Variants in LEMD1 observed in about 807,000 individuals in gnomAD.
LEMD1 encodes the protein LEM domain containing 1.
Under a neutral mutation model 17.4 loss-of-function variants are expected in LEMD1, and 18 were observed. The ratio of observed to expected loss-of-function variants is 1.04; its 90% confidence interval spans 0.72 to 1.54. The LOEUF is 1.54. LEMD1 is among the 40% of genes most tolerant of loss of function. LEMD1 has a pLI of 0.00. For missense variants in LEMD1, 195 were observed against 210.4 expected (o/e 0.93, Z 0.45); for synonymous variants, 88 against 77.8 (o/e 1.13, Z -0.69).
chr1:205,397,611 A>G (rs1408649310), intron 4 of LEMD1, among the ~76,000 whole-genome samples: 1 of 152,172 alleles, frequency 6.6e-6, no homozygotes, highest in Non-Finnish European at 1.5e-5. Context: ...ATTATCTATA[A>G]TAAATCATTC....
chr1:205,427,414 C>T (rs1034383197), intron 1 of LEMD1, among the ~76,000 whole-genome samples: 1 of 151,858 alleles, frequency 6.6e-6, no homozygotes, highest in Non-Finnish European at 1.5e-5. Flanking sequence ...TACCTGGAAA[C>T]TCAGGGAAAC....
At chr1:205,383,712 C>A (rs1663842171) in intron 5 of LEMD1, among the ~76,000 whole-genome samples, 1 of 150,702 alleles carries the variant, frequency 6.6e-6, no homozygotes, top group Admixed American at 6.6e-5. Context: ...CGGCTCACAG[C>A]AAGCTCCGCC....
At chr1:205,408,528 T>A (rs1212490323) in intron 4 of LEMD1, among the ~76,000 whole-genome samples, 1 of 146,358 alleles carries the variant, frequency 6.8e-6, no homozygotes, top group Admixed American at 7.0e-5. Flanking sequence ...TGAGACAGGA[T>A]CTCACTCTGT....
rs1175713525 is a variant in LEMD1, at chr1:205,448,072, TTCCTTCCTCAGAGGGAATCTCCC to T, written c.-39+1773_-39+1795del. Among the ~76,000 whole-genome samples the T allele has an allele frequency of 6.6e-6, 1 of 152,168 alleles. No homozygotes were observed. Among genetic ancestry groups the T allele is most frequent in the East Asian group, 1.9e-4 (1 of 5,170 alleles). ...AGCTCAGCACACCCTGAAGGTCTCC[TTCCTTCCTCAGAGGGAATCTCCC>T]TCTGGAATCACCGGCCCAGTCTCTT... On this transcript the variant is annotated intron_variant, in intron 1 of 3. Transcript: ENST00000367154. The surrounding 1 kb of genome is among the most constrained non-coding windows in gnomAD (Gnocchi z 4.7).
At chr1:205,411,215 A>AAAGG (rs199774745) in intron 4 of LEMD1, among the ~76,000 whole-genome samples, 3 of 147,298 alleles carry the variant, frequency 2.0e-5, no homozygotes, top group South Asian at 2.2e-4. Flanking sequence ...AGAAAGAAAG[A>AAAGG]AAGGAAGGAA....
intron 1 of LEMD1, among the ~76,000 whole-genome samples, chr1:205,445,294 A>C (rs1312075271): frequency 3.3e-5 from 5 of 152,158 alleles, no homozygotes; most frequent in African/African-American, 1.2e-4. Context: ...GACCGTGTTG[A>C]TAAACAGGCA....
chr1:205,394,242 G>C (rs951904818), intron 4 of LEMD1, among the ~76,000 whole-genome samples: 2 of 152,018 alleles, frequency 1.3e-5, no homozygotes, highest in Non-Finnish European at 2.9e-5. Context: ...GCGGGTAACC[G>C]CTTAATGGGT....
rs989074524 is a variant in LEMD1 at position 205,430,462 on chromosome 1, A to G, written c.-38-9888T>C. Among the ~76,000 whole-genome samples the G allele has an allele frequency of 8.5e-5, 13 of 152,080 alleles. 1 individual carries two copies. Among genetic ancestry groups the G allele is most frequent in the Admixed American group, 7.2e-4 (11 of 15,274 alleles). On this transcript the variant is annotated intron_variant, in intron 1 of 3. Coordinates refer to the LEMD1 transcript ENST00000367154. Reference sequence around the variant, plus strand: ...CAGACGTTGTCAGGGACGGGGTGGGAGAGTAGGGTAGGGGTGGACAACCAA... The same window carrying G: ...CAGACGTTGTCAGGGACGGGGTGGGGGAGTAGGGTAGGGGTGGACAACCAA...
At chr1:205,388,198 C>G (rs1574942998) in intron 4 of LEMD1, among the ~76,000 whole-genome samples, 2 of 144,096 alleles carry the variant, frequency 1.4e-5, no homozygotes, top group East Asian at 4.3e-4. Flanking sequence ...CTTAATCTTT[C>G]TTTCTTTTTT....
In LEMD1 at chr1:205,437,904, A is replaced by G. The variant is rs573947354; in HGVS notation, c.-39+11964T>C. The G allele has an allele frequency of 2.6e-5, 4 of 152,298 alleles. No homozygotes were observed. In the East Asian group the frequency reaches 7.7e-4, roughly 29 times the overall value. 9.4% of individuals were successfully genotyped at this position (152,298 alleles called of 1,614,324 possible). ...CACTCTAACACTTCATGTGTATTTC[A>G]GTTAGTTAATTATTGCTCTTTTTTT... is the stretch of plus-strand genomic sequence containing the variant. On this transcript the variant is annotated intron_variant, in intron 1 of 3. Transcript: ENST00000367154.
chr1:205,398,313 T>C (rs1403826398), intron 4 of LEMD1, among the ~76,000 whole-genome samples: 3 of 152,210 alleles, frequency 2.0e-5, no homozygotes, highest in African/African-American at 7.2e-5. Flanking sequence ...AAAACCTGTA[T>C]ATACAACTTG....
intron 4 of LEMD1, among the ~76,000 whole-genome samples, chr1:205,400,763 T>C (rs1307283602): frequency 6.6e-6 from 1 of 151,886 alleles, no homozygotes; most frequent in African/African-American, 2.4e-5. Context: ...GTTAGTTACA[T>C]ATGTATACAT....
At chr1:205,440,157 C>T (rs1666269386) in intron 1 of LEMD1, among the ~76,000 whole-genome samples, 1 of 152,196 alleles carries the variant, frequency 6.6e-6, no homozygotes, top group Admixed American at 6.5e-5. Flanking sequence ...CTGGCCACGG[C>T]AAGACAGTCC....
intron 4 of LEMD1, among the ~76,000 whole-genome samples, chr1:205,404,545 A>G (rs939897915): frequency 6.6e-6 from 1 of 151,270 alleles, no homozygotes; most frequent in Non-Finnish European, 1.5e-5. Flanking sequence ...TTTGTTTTCC[A>G]TTTGCTTGGT....
intron 1 of LEMD1, among the ~76,000 whole-genome samples, chr1:205,431,079 C>G (rs1666120064): frequency 6.6e-6 from 1 of 152,192 alleles, no homozygotes; most frequent in Non-Finnish European, 1.5e-5. Context: ...CGGAGGACCC[C>G]CAGCTCACTT....
At chr1:205,397,459 A>C (rs1338009630) in intron 4 of LEMD1, among the ~76,000 whole-genome samples, 1 of 152,192 alleles carries the variant, frequency 6.6e-6, no homozygotes, top group Admixed American at 6.5e-5. Context: ...AAATGTAAAA[A>C]TTAGCAGGGT....
chr1:205,422,963 T>C (rs944373340), upstream of LEMD1, among the ~76,000 whole-genome samples: 9 of 152,264 alleles, frequency 5.9e-5, no homozygotes, highest in African/African-American at 2.2e-4. Context: ...AAGGGCTATG[T>C]TATTCAATGA....
At chr1:205,402,175 T>G (rs1664883482) in intron 4 of LEMD1, among the ~76,000 whole-genome samples, 2 of 152,310 alleles carry the variant, frequency 1.3e-5, no homozygotes, top group African/African-American at 4.8e-5. Context: ...AGGATTGACT[T>G]GGCGATGCAG....
intron 1 of LEMD1, among the ~76,000 whole-genome samples, chr1:205,431,837 C>T (rs988357122): frequency 1.3e-5 from 2 of 152,176 alleles, no homozygotes; most frequent in African/African-American, 2.4e-5. Flanking sequence ...CTGCCTCAGC[C>T]TCCAGAGTAG....
Sources: gnomAD v4.1 joint callset for allele counts (sites outside exome capture counted in the v4.1 genomes callset) on GRCh38, gnomAD v4.1.1 for gene constraint, Gnocchi (gnomAD v3.1) non-coding constraint, MANE v1.5 for transcripts, NCBI Gene and HGNC (gene_info 2026-07-23, HGNC 2026-07-21) for gene names.